LMTK2: variants seen among roughly 807,000 people sequenced by gnomAD.
LMTK2 encodes serine/threonine-protein kinase LMTK2.
In LMTK2, 37 loss-of-function variants were observed where a neutral mutation model predicts 127.5. That is an observed-to-expected ratio of 0.29 (90% CI 0.22 to 0.38). The LOEUF (loss-of-function observed/expected upper bound fraction) is 0.38, where lower values mean the gene tolerates loss of function less well. Ranked by LOEUF, LMTK2 falls within the 10% of genes least tolerant of loss-of-function variation. LMTK2 has a pLI of 1.00. For synonymous variants in LMTK2, 819 were observed against 810.1 expected (o/e 1.01, Z -0.19); for missense variants, 1,694 against 1,920.3 (o/e 0.88, Z 2.20).
In LMTK2 at chr7:98,192,689, A is replaced by G. The variant is rs772339085; in HGVS notation, c.2224A>G (p.Ile742Val). The G allele has an allele frequency of 8.1e-6, 13 of 1,611,302 alleles. No individual in the cohort carries two copies. Among genetic ancestry groups the G allele is most frequent in the Admixed American group, 1.7e-5 (1 of 59,520 alleles). The change falls in exon 11 of 14, where the codon ATA becomes GTA. Residue 742 changes from isoleucine (I) to valine (V), a missense_variant. Physicochemically the swap from Ile to Val is conservative, Grantham distance 29. This residue lies in a region of LMTK2 where 527 missense variants were observed against 539.8 expected (regional missense o/e 0.98). Coordinates refer to ENST00000297293, the MANE Select transcript of LMTK2 (RefSeq NM_014916.4). ...AGGCTCATTGTCCAGCAAAGAACAC[A>G]TAAATGATCTTCAGACAGAACTTAA... ...LKGSLSSKEH[I>V]NDLQTELKNA...
At chr7:98,131,454 T>C (rs1045889736) in intron 1 of LMTK2, among the ~76,000 whole-genome samples, 1 of 152,210 alleles carries the variant, frequency 6.6e-6, no homozygotes, top group African/African-American at 2.4e-5. Flanking sequence ...GATTACATTC[T>C]TGTGGTGGTA....
intron 1 of LMTK2, among the ~76,000 whole-genome samples, chr7:98,135,456 C>A (rs1222173191): frequency 6.6e-6 from 1 of 151,954 alleles, no homozygotes; most frequent in Non-Finnish European, 1.5e-5. Context: ...GGACTTCAGG[C>A]ACGTGTCACC....
chr7:98,166,342 C>T (rs1562911527), intron 6 of LMTK2, among the ~76,000 whole-genome samples: 1 of 152,214 alleles, frequency 6.6e-6, no homozygotes, highest in Non-Finnish European at 1.5e-5. Context: ...GGTTCTCTGG[C>T]GCCCTCCGAT....
At chr7:98,144,854 G>A (rs759202481) in intron 3 of LMTK2, among the ~76,000 whole-genome samples, 1 of 150,158 alleles carries the variant, frequency 6.7e-6, no homozygotes, top group Non-Finnish European at 1.5e-5. Flanking sequence ...TCATTAAAGC[G>A]TATGTATTCT....
rs1219136363 is a variant in LMTK2, at chr7:98,192,860, A to G, written c.2395A>G (p.Thr799Ala). 6.2e-7 allele frequency: 1 copy of G among 1,614,132 alleles called. No individual in the cohort carries two copies. The highest frequency in any genetic ancestry group is 1.1e-5 in the South Asian group (1 of 91,082). The part of the protein sequence containing the change: ...TKGDDTDVML[T>A]GDTLSTSLQS... ...GGGTGACGATACAGATGTCATGCTC[A>G]CAGGTGACACTTTGAGCACCTCATT... The change falls in exon 11 of 14, where the codon ACA becomes GCA. Residue 799 changes from threonine to alanine, a missense_variant. Coordinates refer to ENST00000297293, the MANE Select transcript of LMTK2 (RefSeq NM_014916.4).
At position 98,171,323 on chromosome 7, in the gene LMTK2, A is replaced by G. The variant is rs571487094; in HGVS notation, c.658-218A>G. Among the ~76,000 whole-genome samples, 14 of 152,250 alleles carry G rather than the reference A, an allele frequency of 9.2e-5. No homozygotes were observed. In the East Asian group the frequency reaches 2.7e-3, roughly 29 times the overall value. On this transcript the variant is annotated intron_variant, in intron 6 of 13. Transcript: ENST00000297293. The surrounding 1 kb of genome is among the most constrained non-coding windows in gnomAD (Gnocchi z 5.1). ...CTTTTTTTAAACTGTTTTGTGTTCC[A>G]TGTGTTTATGTGACAAAGATGTTAA...
At position 98,198,276 on chromosome 7, in the gene LMTK2, C is replaced by T. The variant is rs565750740; in HGVS notation, c.4107+3704C>T. 4.6e-5 allele frequency among the ~76,000 whole-genome samples: 7 copies of T among 151,900 alleles called. No individual in the cohort carries two copies. The East Asian group carries it at 9.7e-4, about 21-fold the overall frequency. On this transcript the variant is annotated intron_variant, in intron 11 of 13. Transcript: ENST00000297293. ...CGTGATATCGGCTCACTGCAACCTCCGCCTCCCGCGTTCAAGCAATTCTCC... is the reference window on the plus strand; with the variant it reads ...CGTGATATCGGCTCACTGCAACCTCTGCCTCCCGCGTTCAAGCAATTCTCC...
chr7:98,158,619 AATAT>A (rs917129141), intron 5 of LMTK2, among the ~76,000 whole-genome samples: 2 of 152,218 alleles, frequency 1.3e-5, no homozygotes, highest in Non-Finnish European at 2.9e-5. Flanking sequence ...TAGTAAAAAA[AATAT>A]AAATAATACA....
chr7:98,201,437 G>A (rs538518831), intron 11 of LMTK2, among the ~76,000 whole-genome samples: 14 of 152,236 alleles, frequency 9.2e-5, no homozygotes, highest in Admixed American at 2.6e-4. Context: ...TCATGTCAGC[G>A]CTCAAAAGGT....
chr7:98,181,519 A>T (rs945349668), intron 7 of LMTK2, among the ~76,000 whole-genome samples: 3 of 152,226 alleles, frequency 2.0e-5, no homozygotes, highest in African/African-American at 7.2e-5. Context: ...TAGAAGACTC[A>T]CCTTTTCTGA....
chr7:98,145,260 G>T (rs1270587946), intron 3 of LMTK2, among the ~76,000 whole-genome samples: 2 of 108,624 alleles, frequency 1.8e-5, no homozygotes, highest in Non-Finnish European at 3.7e-5. Context: ...AATGAAGAGG[G>T]AATCAAAATG....
chr7:98,190,768 G>T lies in LMTK2; in HGVS notation c.1039G>T (p.Ala347Ser), dbSNP rs139179986. The change falls in exon 10 of 14, where the codon GCA (alanine) becomes TCA (serine). Residue 347 changes from alanine to serine, a missense_variant. By Grantham distance (99) the Ala-to-Ser change is moderately conservative (BLOSUM62 1). Coordinates refer to ENST00000297293, the MANE Select transcript of LMTK2 (RefSeq NM_014916.4). ...VTLWELFDNA[A>S]QPYSNLSNLD... Reference sequence around the variant, plus strand: ...ACTTTGGGAGCTTTTTGACAATGCCGCACAGCCGTATTCAAACCTTTCCAA... The same window carrying T: ...ACTTTGGGAGCTTTTTGACAATGCCTCACAGCCGTATTCAAACCTTTCCAA... 4 of 1,613,820 alleles carry T rather than the reference G, an allele frequency of 2.5e-6. 1 individual carries two copies. Among genetic ancestry groups the T allele is most frequent in the South Asian group, 2.2e-5 (2 of 91,078 alleles).
In LMTK2 at chr7:98,186,967, A is replaced by G; in HGVS notation, c.967A>G (p.Thr323Ala). 1 of 1,613,928 alleles carries G rather than the reference A, an allele frequency of 6.2e-7. No individual in the cohort carries two copies. Among genetic ancestry groups the G allele is most frequent in the Middle Eastern group, 1.6e-4 (1 of 6,062 alleles). ...AACCAGCTTTCAAGACAGACTGCTAACTGCAGATCAGACTAAGTATAGTAA... is the reference window on the plus strand; with the variant it reads ...AACCAGCTTTCAAGACAGACTGCTAGCTGCAGATCAGACTAAGTATAGTAA... The part of the protein sequence containing the change: ...LVTSFQDRLL[T>A]ADQTKYSNIW... Residue 323 changes from threonine to alanine, a missense_variant, in exon 9 of 14, where the codon ACT (threonine) becomes GCT (alanine). Around this residue, in one of 8 missense-constraint regions of LMTK2, gnomAD observed 47 missense variants for 95.4 expected, o/e 0.49. Coordinates refer to ENST00000297293, the MANE Select transcript of LMTK2 (RefSeq NM_014916.4).
At chr7:98,118,604 C>T (rs958520646) in intron 1 of LMTK2, among the ~76,000 whole-genome samples, 4 of 152,164 alleles carry the variant, frequency 2.6e-5, no homozygotes, top group African/African-American at 7.2e-5. Context: ...CTCGTGTTCC[C>T]GTCACCCAGC....
chr7:98,203,426 C>A, intron 11 of LMTK2, 148 bp from the exon 12 acceptor site: 1 of 1,000,534 alleles, frequency 1.0e-6, no homozygotes, highest in Non-Finnish European at 1.4e-6. Flanking sequence ...TAGTGTCTGT[C>A]CGTCCTCCCA....
intron 6 of LMTK2, among the ~76,000 whole-genome samples, chr7:98,161,425 A>T (rs929717355): frequency 1.3e-5 from 2 of 152,098 alleles, no homozygotes; most frequent in Non-Finnish European, 2.9e-5. Context: ...ATTGTGGAGG[A>T]TGCTTATTCA....
At chr7:98,188,543 A>G (rs2116454663) in intron 9 of LMTK2, among the ~76,000 whole-genome samples, 1 of 152,290 alleles carries the variant, frequency 6.6e-6, no homozygotes, top group African/African-American at 2.4e-5. Context: ...AGCAATCCTC[A>G]TGCCTTAGTC....
intron 3 of LMTK2, among the ~76,000 whole-genome samples, chr7:98,145,586 TCATTCATG>T (rs2116376838): frequency 1.3e-5 from 2 of 152,336 alleles, no homozygotes; most frequent in South Asian, 4.1e-4. Context: ...TTTTTCAGCT[TCATTCATG>T]CACTGATCTT....
chr7:98,178,593 G>A (rs1168392552), intron 7 of LMTK2, among the ~76,000 whole-genome samples: 1 of 152,232 alleles, frequency 6.6e-6, no homozygotes, highest in Non-Finnish European at 1.5e-5. Flanking sequence ...TGAAGGGAGA[G>A]CAGACTGGCT....
Sources: gnomAD v4.1 joint callset for allele counts (sites outside exome capture counted in the v4.1 genomes callset) on GRCh38, gnomAD v4.1.1 for gene constraint, gnomAD v4.1.1 regional missense constraint, Gnocchi (gnomAD v3.1) non-coding constraint, MANE v1.5 for transcripts, NCBI Gene and HGNC (gene_info 2026-07-23, HGNC 2026-07-21) for gene names.